The following ILRUN variants were observed in gnomAD, a reference collection of about 807,000 sequenced individuals.
ILRUN encodes the protein protein ILRUN.
In ILRUN, 3 loss-of-function variants were observed where a neutral mutation model predicts 33.8. That is an observed-to-expected ratio of 0.09 (90% CI 0.04 to 0.23). The LOEUF is 0.23. ILRUN is among the 10% of genes least tolerant of loss of function. The pLI, the probability that ILRUN is intolerant of heterozygous loss-of-function variation, is 1.00. For missense variants in ILRUN, 210 were observed against 375.1 expected (o/e 0.56, Z 3.64); for synonymous variants, 124 against 138.9 (o/e 0.89, Z 0.75).
intron 1 of ILRUN, among the ~76,000 whole-genome samples, chr6:34,683,451 T>C (rs544775164): frequency 0.019 from 1,873 of 99,088 alleles, 24 homozygotes; most frequent in East Asian, 0.023. Context: ...CATATATATA[T>C]ACATATATAT....
chr6:34,681,046 G>A (rs984693259), intron 1 of ILRUN, among the ~76,000 whole-genome samples: 4 of 150,892 alleles, frequency 2.7e-5, no homozygotes, highest in African/African-American at 7.3e-5. Flanking sequence ...TGTTATCAAA[G>A]GGTTTAAAAA....
intron 4 of ILRUN, chr6:34,596,043 T>G (rs1761392970): frequency 1.7e-6 from 1 of 596,082 alleles, no homozygotes. Flanking sequence ...CTCACAGGCC[T>G]GGCCTGGCTG....
At chr6:34,605,255 G>A (rs555130828) in intron 4 of ILRUN, among the ~76,000 whole-genome samples, 10 of 144,962 alleles carry the variant, frequency 6.9e-5, no homozygotes, top group South Asian at 2.2e-4. Flanking sequence ...GCAGTGAGCC[G>A]AGATTGCGCC....
At chr6:34,692,006 T>C (rs1763659722) in intron 1 of ILRUN, among the ~76,000 whole-genome samples, 3 of 152,188 alleles carry the variant, frequency 2.0e-5, no homozygotes, top group Admixed American at 2.0e-4. Context: ...CTCTGCTACC[T>C]GGGCAGGAGT....
chr6:34,678,288 G>A (rs1369586278), intron 1 of ILRUN, among the ~76,000 whole-genome samples: 14 of 152,156 alleles, frequency 9.2e-5, no homozygotes, highest in African/African-American at 2.9e-4. Context: ...TGATCCACCC[G>A]CCTTGGCCTC....
In ILRUN at chr6:34,588,242, GT is replaced by G. The variant is rs1399076539; in HGVS notation, c.*2322del. On this transcript the variant is annotated 3_prime_UTR_variant, in exon 5 of 5. Coordinates refer to ENST00000374023, the MANE Select transcript of ILRUN (RefSeq NM_024294.4). ...GTTTGTTCTTGGGAAGGGAGACAAG[GT>G]GCTTGGGACATTTAACTTGCCAAGT... 2.5e-6 allele frequency: 1 copy of G among 398,660 alleles called. No homozygotes were observed. The highest frequency in any genetic ancestry group is 2.1e-5 in the African/African-American group (1 of 48,640). The allele number at this position is 398,660 out of a possible 1,614,324, so 24.7% of individuals were successfully genotyped here.
intron 1 of ILRUN, among the ~76,000 whole-genome samples, chr6:34,660,297 T>C (rs1392615197): frequency 1.3e-5 from 2 of 150,800 alleles, no homozygotes; most frequent in Non-Finnish European, 3.0e-5. Flanking sequence ...TGAGACCCTG[T>C]CAAAAAAATA....
chr6:34,622,638 G>A (rs908688014), intron 3 of ILRUN, among the ~76,000 whole-genome samples: 8 of 152,092 alleles, frequency 5.3e-5, no homozygotes, highest in Non-Finnish European at 7.4e-5. Flanking sequence ...AAATTAGAAC[G>A]CTTGTGTGCT....
At chr6:34,619,893 G>A (rs1254541038) in intron 3 of ILRUN, among the ~76,000 whole-genome samples, 2 of 151,270 alleles carry the variant, frequency 1.3e-5, no homozygotes, top group Non-Finnish European at 2.9e-5. Flanking sequence ...GCTGAGGCAG[G>A]AGAATCGTTT....
chr6:34,601,189 G>C (rs140679147), intron 4 of ILRUN, among the ~76,000 whole-genome samples: 1 of 152,296 alleles, frequency 6.6e-6, no homozygotes, highest in East Asian at 1.9e-4. Context: ...TACGTACACT[G>C]ATAAATTTTA....
At chr6:34,598,327 T>A (rs1179968336) in intron 4 of ILRUN, among the ~76,000 whole-genome samples, 1 of 152,218 alleles carries the variant, frequency 6.6e-6, no homozygotes, top group African/African-American at 2.4e-5. Context: ...GTTCTTAACC[T>A]TACATTTTGT....
At chr6:34,600,326 C>T (rs1761483540) in intron 4 of ILRUN, among the ~76,000 whole-genome samples, 1 of 152,190 alleles carries the variant, frequency 6.6e-6, no homozygotes, top group African/African-American at 2.4e-5. Flanking sequence ...CCCTTGAACA[C>T]AACAGGCAAA....
At chr6:34,602,482 T>C (rs1318103742) in intron 4 of ILRUN, among the ~76,000 whole-genome samples, 1 of 152,242 alleles carries the variant, frequency 6.6e-6, no homozygotes. Context: ...AAACAGAAGC[T>C]ACTCTGGCCC....
rs368700512 is a variant in ILRUN at position 34,683,409 on chromosome 6, T to TATATATATAC, written c.158+13027_158+13036dup. On this transcript the variant is annotated intron_variant, in intron 1 of 4. Coordinates refer to ENST00000374023, the MANE Select transcript of ILRUN (RefSeq NM_024294.4). ...TGTTATATATATGCACATATATACA[T>TATATATATAC]ATATATATACATATATATACATATA... Among the ~76,000 whole-genome samples, 76 of 99,610 alleles carry TATATATATAC rather than the reference T, an allele frequency of 7.6e-4. 1 individual carries two copies. The highest frequency in any genetic ancestry group is 3.7e-3 in the African/African-American group (57 of 15,322). 65.3% of individuals were successfully genotyped at this position (99,610 alleles called of 152,430 possible).
chr6:34,645,047 A>G (rs1285204344), intron 3 of ILRUN, among the ~76,000 whole-genome samples: 2 of 152,204 alleles, frequency 1.3e-5, no homozygotes, highest in Non-Finnish European at 2.9e-5. Context: ...GAATGATGTC[A>G]CATAAGCACT....
intron 3 of ILRUN, among the ~76,000 whole-genome samples, chr6:34,621,938 C>T (rs1308796811): frequency 6.6e-6 from 1 of 151,892 alleles, no homozygotes; most frequent in Admixed American, 6.6e-5. Flanking sequence ...TGCCCAGAAA[C>T]AAACCTTGTG....
intron 2 of ILRUN, among the ~76,000 whole-genome samples, chr6:34,649,275 T>C (rs925175117): frequency 6.6e-6 from 1 of 152,204 alleles, no homozygotes; most frequent in Non-Finnish European, 1.5e-5. Flanking sequence ...AAGATATTGA[T>C]GCTTGATACA....
At chr6:34,673,904 T>TACAC (rs370280008) in intron 1 of ILRUN, among the ~76,000 whole-genome samples, 18,342 of 112,474 alleles carry the variant, frequency 0.16, 2,549 homozygotes, top group African/African-American at 0.2. Context: ...AACAACCACA[T>TACAC]ACACACACAC....
intron 3 of ILRUN, among the ~76,000 whole-genome samples, chr6:34,644,502 G>A (rs189075228): frequency 9.6e-4 from 146 of 152,288 alleles, no homozygotes; most frequent in Middle Eastern, 6.8e-3. Flanking sequence ...AGCAGTGGGA[G>A]AAACAACTTC....
Sources: allele counts gnomAD v4.1 joint callset (sites outside exome capture counted in the v4.1 genomes callset), GRCh38; gene constraint gnomAD v4.1.1; transcripts MANE v1.5; gene names NCBI Gene and HGNC (gene_info 2026-07-23, HGNC 2026-07-21).